The following CYB5R4 variants were observed in gnomAD, a reference collection of about 807,000 sequenced individuals.
CYB5R4 encodes cytochrome b5 reductase 4.
In CYB5R4, 55 loss-of-function variants were observed where a neutral mutation model predicts 70.2. That is an observed-to-expected ratio of 0.78 (90% confidence interval 0.63 to 0.98). The LOEUF is 0.98. Among genes scored for constraint, CYB5R4 ranks in the 50% least tolerant of loss-of-function variants. CYB5R4 has a pLI of 0.00. For synonymous variants in CYB5R4, 197 were observed against 199.5 expected, an observed-to-expected ratio of 0.99 and a Z score of 0.11; for missense variants, 562 against 612.6, an observed-to-expected ratio of 0.92 and a Z score of 0.87.
At chr6:83,933,372 G>T (rs975372509) in intron 10 of CYB5R4, among the ~76,000 whole-genome samples, 1 of 152,178 alleles carries the variant, frequency 6.6e-6, no homozygotes, top group South Asian at 2.1e-4. Context: ...AAAGGGAGAA[G>T]GGAAGTTGGA....
chr6:83,901,562 C>G (rs1015758699), intron 3 of CYB5R4, among the ~76,000 whole-genome samples: 3 of 152,172 alleles, frequency 2.0e-5, no homozygotes, highest in Non-Finnish European at 4.4e-5. Flanking sequence ...TGTTTTCCAA[C>G]TTGTTTCCAT....
chr6:83,934,530 T>G (rs1430350765), intron 10 of CYB5R4, 65 bp from the exon 11 acceptor site: 12 of 1,209,948 alleles, frequency 9.9e-6, no homozygotes, highest in African/African-American at 1.5e-5. Context: ...ATGCTTTCTC[T>G]TAGTGGTTTA....
chr6:83,954,985 A>G (rs149049707), intron 14 of CYB5R4, among the ~76,000 whole-genome samples: 112 of 151,800 alleles, frequency 7.4e-4, no homozygotes, highest in Admixed American at 1.5e-3. Flanking sequence ...TTCTCAAACA[A>G]TCCTCCCACC....
In CYB5R4 at chr6:83,893,587, G is replaced by A. The variant is rs753537673; in HGVS notation, c.295G>A (p.Ala99Thr). The part of the protein sequence containing the change: ...HPGGEDELMR[A>T]AGSDGTELFD... ...TGGTGGAGAAGATGAACTAATGAGAGCAGCAGGATCAGATGGTACTGAACT... is the reference window on the plus strand; with the variant it reads ...TGGTGGAGAAGATGAACTAATGAGAACAGCAGGATCAGATGGTACTGAACT... The change falls in exon 3 of 16, where the codon GCA (alanine) becomes ACA (threonine). Residue 99 changes from alanine (A) to threonine (T), a missense_variant. Transcript: ENST00000369681. 4.3e-6 allele frequency: 7 copies of A among 1,613,038 alleles called. No homozygotes were observed. The South Asian group carries it at 7.7e-5, about 18-fold the overall frequency.
chr6:83,896,268 C>G (rs540065141), intron 3 of CYB5R4, among the ~76,000 whole-genome samples: 88 of 152,244 alleles, frequency 5.8e-4, no homozygotes, highest in African/African-American at 2.1e-3. Flanking sequence ...GGTAACATGA[C>G]AGCTAGATTA....
chr6:83,864,401 A>C, intron 2 of CYB5R4, 73 bp downstream of exon 2: 2 of 1,321,638 alleles, frequency 1.5e-6, no homozygotes, highest in East Asian at 2.4e-5. Context: ...ATAACCTCAC[A>C]GTCATGTTAT....
chr6:83,959,738 A>G (rs576952715), intron 15 of CYB5R4, 86 bp from the exon 16 acceptor site: 17 of 1,148,652 alleles, frequency 1.5e-5, no homozygotes, highest in Non-Finnish European at 2.1e-5. Context: ...ATGAAAAAGT[A>G]TCATGATTAT....
At chr6:83,862,049 C>G (rs1318740880) in intron 1 of CYB5R4, among the ~76,000 whole-genome samples, 1 of 152,196 alleles carries the variant, frequency 6.6e-6, no homozygotes, top group Non-Finnish European at 1.5e-5. Context: ...GACCTAGATT[C>G]TTTCACCATA....
chr6:83,915,949 C>A (rs573711784), intron 5 of CYB5R4, among the ~76,000 whole-genome samples: 4 of 152,262 alleles, frequency 2.6e-5, no homozygotes, highest in Middle Eastern at 3.4e-3. Context: ...TGCATTCAGT[C>A]CACCTTGCAT....
rs548292596 is a variant in CYB5R4, at chr6:83,946,033, A to G, written c.1346+5432A>G. On this transcript the variant is annotated intron_variant, in intron 14 of 15. Coordinates refer to ENST00000369681, the MANE Select transcript of CYB5R4 (RefSeq NM_016230.4). ...GTACCATTCCTTCTGAAACTATTCC[A>G]AACAGTAGAAAAAGAGGGAATCCTC... Among the ~76,000 whole-genome samples the G allele has an allele frequency of 4.6e-5, 7 of 152,350 alleles. No individual in the cohort carries two copies. The East Asian group carries it at 1.2e-3, about 25-fold the overall frequency.
rs2099473325 is a variant in CYB5R4, at chr6:83,961,436, G to A, written c.*1558G>A. On this transcript the variant is annotated 3_prime_UTR_variant, in exon 16 of 16. Transcript: ENST00000369681. The stretch of plus-strand genomic sequence containing the variant: ...CTTGGTGGGAGGTGATTGGATCATG[G>A]GAGTGATTGCCCCCATGCTGTTCTC... 6.6e-6 allele frequency: 1 copy of A among 151,786 alleles called. No homozygotes were observed. Among genetic ancestry groups the A allele is most frequent in the African/African-American group, 2.4e-5 (1 of 41,304 alleles). 9.4% of individuals were successfully genotyped at this position (151,786 alleles called of 1,614,324 possible).
chr6:83,932,891 C>G (rs1280382905), intron 10 of CYB5R4, among the ~76,000 whole-genome samples: 1 of 152,200 alleles, frequency 6.6e-6, no homozygotes, highest in East Asian at 1.9e-4. Context: ...TGCCATCTCA[C>G]TGATACACTG....
At chr6:83,902,711 G>C (rs1480149362) in intron 3 of CYB5R4, among the ~76,000 whole-genome samples, 1 of 152,102 alleles carries the variant, frequency 6.6e-6, no homozygotes, top group South Asian at 2.1e-4. Context: ...TTTCATCAAT[G>C]TTCTGTAGTT....
At chr6:83,899,844 A>C (rs1468983360) in intron 3 of CYB5R4, among the ~76,000 whole-genome samples, 2 of 151,382 alleles carry the variant, frequency 1.3e-5, no homozygotes, top group African/African-American at 4.9e-5. Flanking sequence ...CATCTATTTG[A>C]TTCTTCTCTC....
intron 14 of CYB5R4, among the ~76,000 whole-genome samples, chr6:83,952,315 A>G (rs2099471679): frequency 6.6e-6 from 1 of 152,194 alleles, no homozygotes; most frequent in African/African-American, 2.4e-5. Flanking sequence ...GTGGTGGTGA[A>G]GTTCTAAAGT....
At chr6:83,939,852 G>A (rs909098419) in intron 12 of CYB5R4, among the ~76,000 whole-genome samples, 11 of 152,252 alleles carry the variant, frequency 7.2e-5, no homozygotes, top group Middle Eastern at 6.8e-3. Context: ...ATATAATTCA[G>A]ACATACTTAG....
At chr6:83,940,433 C>T (rs185158490) in intron 13 of CYB5R4, 82 bp from the exon 14 acceptor site, 1 of 1,317,448 alleles carries the variant, frequency 7.6e-7, no homozygotes, top group Non-Finnish European at 1.0e-6. Context: ...AACATTCACA[C>T]TGGTTCACTT....
chr6:83,926,037 G>T (rs1005648244), intron 10 of CYB5R4, among the ~76,000 whole-genome samples: 1 of 152,056 alleles, frequency 6.6e-6, no homozygotes, highest in African/African-American at 2.4e-5. Context: ...TAACTTCTGT[G>T]TCCCTCAGGT....
chr6:83,946,611 G>A (rs1415350907), intron 14 of CYB5R4, among the ~76,000 whole-genome samples: 1 of 152,180 alleles, frequency 6.6e-6, no homozygotes, highest in African/African-American at 2.4e-5. Flanking sequence ...TATTCAGATA[G>A]GAAAAGAGGA....
Sources: gnomAD v4.1 joint callset for allele counts (sites outside exome capture counted in the v4.1 genomes callset) on GRCh38, gnomAD v4.1.1 for gene constraint, MANE v1.5 for transcripts, NCBI Gene and HGNC (gene_info 2026-07-23, HGNC 2026-07-21) for gene names.